MAP2K6: variants seen among roughly 807,000 people sequenced by gnomAD.
The protein encoded by MAP2K6 is dual specificity mitogen-activated protein kinase kinase 6.
MAP2K6 carries 16 observed loss-of-function variants against 53.7 expected under a neutral mutation model. The observed-to-expected ratio is 0.30, with a 90% CI of 0.20 to 0.45. MAP2K6 has a LOEUF of 0.45. MAP2K6 is among the 20% of genes least tolerant of loss of function. The pLI is 1.00. For synonymous variants in MAP2K6, 132 were observed against 143.1 expected, an observed-to-expected ratio of 0.92 and a Z score of 0.55; for missense variants, 204 against 411.9, an observed-to-expected ratio of 0.50 and a Z score of 4.37.
chr17:69,515,391 A>G (rs1910090117), intron 2 of MAP2K6, among the ~76,000 whole-genome samples: 2 of 152,238 alleles, frequency 1.3e-5, no homozygotes, highest in South Asian at 4.2e-4. Context: ...TCCTGACCTC[A>G]GGTGATCCGC....
chr17:69,488,512 A>G (rs1201536273), intron 1 of MAP2K6, among the ~76,000 whole-genome samples: 1 of 152,212 alleles, frequency 6.6e-6, no homozygotes, highest in African/African-American at 2.4e-5. Flanking sequence ...AAAGACATGG[A>G]CTCAACCTAA....
At chr17:69,474,308 T>C (rs1908069610) in intron 1 of MAP2K6, among the ~76,000 whole-genome samples, 2 of 152,240 alleles carry the variant, frequency 1.3e-5, no homozygotes. Flanking sequence ...GAGGATGTCA[T>C]AGGTTGGCTG....
chr17:69,530,229 C>T (rs564276662), intron 10 of MAP2K6, among the ~76,000 whole-genome samples: 19 of 152,186 alleles, frequency 1.2e-4, no homozygotes, highest in Non-Finnish European at 2.6e-4. Flanking sequence ...GTGGGAGGAT[C>T]GCTTGAGCTT....
chr17:69,506,564 A>G (rs1487180526), intron 2 of MAP2K6, among the ~76,000 whole-genome samples: 1 of 152,184 alleles, frequency 6.6e-6, no homozygotes, highest in Non-Finnish European at 1.5e-5. Context: ...GAGACAGGGC[A>G]AGGGCAAAGA....
chr17:69,451,904 G>C (rs7218446), intron 1 of MAP2K6, among the ~76,000 whole-genome samples: 24,865 of 152,102 alleles, frequency 0.16, 2,473 homozygotes, highest in African/African-American at 0.27. Flanking sequence ...ACTCCAGCAT[G>C]CACTGCACAC....
chr17:69,420,513 G>A (rs529549102), intron 1 of MAP2K6, among the ~76,000 whole-genome samples: 55 of 152,216 alleles, frequency 3.6e-4, no homozygotes, highest in African/African-American at 1.3e-3. Flanking sequence ...TAATAAATGC[G>A]CCTATTTATG....
intron 1 of MAP2K6, among the ~76,000 whole-genome samples, chr17:69,449,549 C>CTTTCTTTCTTTCTTTA (rs1907115907): frequency 1.0e-5 from 1 of 96,728 alleles, no homozygotes; most frequent in South Asian, 2.8e-4. Context: ...TTCTTTCTTT[C>CTTTCTTTCTTTCTTTA]TTTCTTTCTT....
At chr17:69,461,494 G>C (rs904054233) in intron 1 of MAP2K6, among the ~76,000 whole-genome samples, 4 of 152,330 alleles carry the variant, frequency 2.6e-5, no homozygotes, top group African/African-American at 7.2e-5. Flanking sequence ...GGGTGGAAGA[G>C]ACAGCTCTGG....
In MAP2K6 at chr17:69,493,164, T is replaced by C. The variant is rs567059227; in HGVS notation, c.17-12616T>C. Among the ~76,000 whole-genome samples, 5 of 152,304 alleles carry C rather than the reference T, an allele frequency of 3.3e-5. No individual in the cohort carries two copies. In the East Asian group the frequency reaches 9.6e-4, roughly 29 times the overall value. On this transcript the variant is annotated intron_variant, in intron 1 of 11. Transcript: ENST00000590474. ...ATTCATTTGGAAACAAGTAGACAGATTAATAGGTGATATTGGAAGAACTAT... is the reference window on the plus strand; with the variant it reads ...ATTCATTTGGAAACAAGTAGACAGACTAATAGGTGATATTGGAAGAACTAT...
chr17:69,433,420 CT>C (rs1239496935), intron 1 of MAP2K6: 1 of 152,188 alleles, frequency 6.6e-6, no homozygotes, highest in African/African-American at 2.4e-5. Flanking sequence ...AAACTAACTG[CT>C]GAGGCTTAAA....
In MAP2K6 at chr17:69,448,849, A is replaced by G. The variant is rs74460860; in HGVS notation, c.16+33849A>G. On this transcript the variant is annotated intron_variant, in intron 1 of 11. Coordinates refer to ENST00000590474, the MANE Select transcript of MAP2K6 (RefSeq NM_002758.4). ...CTCTTTTCTTCTGTCCTTGGGATTC[A>G]TGGCATTTCCACACACTGAAGTTGT... Among the ~76,000 whole-genome samples, 1,144 of 152,140 alleles carry G rather than the reference A, an allele frequency of 7.5e-3. 16 individuals carry two copies. The highest frequency in any genetic ancestry group is 0.026 in the African/African-American group (1,063 of 41,476).
intron 1 of MAP2K6, among the ~76,000 whole-genome samples, chr17:69,416,390 G>A (rs1905902391): frequency 6.6e-6 from 1 of 152,176 alleles, no homozygotes; most frequent in South Asian, 2.1e-4. Flanking sequence ...ATCAGGTGGA[G>A]ATGTTCCTCA....
chr17:69,514,930 G>C (rs1910060960), intron 2 of MAP2K6, among the ~76,000 whole-genome samples: 1 of 152,032 alleles, frequency 6.6e-6, no homozygotes, highest in Non-Finnish European at 1.5e-5. Context: ...CATAATACCT[G>C]AGAGTTAGAA....
chr17:69,486,475 T>TTAGTC (rs1179674286), intron 1 of MAP2K6, among the ~76,000 whole-genome samples: 2 of 152,192 alleles, frequency 1.3e-5, no homozygotes, highest in African/African-American at 2.4e-5. Context: ...TCTTGAGTGT[T>TTAGTC]TAGTCTAGTC....
chr17:69,474,343 G>T (rs186159094), intron 1 of MAP2K6, among the ~76,000 whole-genome samples: 1 of 152,310 alleles, frequency 6.6e-6, no homozygotes, highest in Admixed American at 6.5e-5. Flanking sequence ...CGTGGCTTTT[G>T]TCTTGGTTTA....
intron 10 of MAP2K6, among the ~76,000 whole-genome samples, chr17:69,534,690 C>T (rs1000243238): frequency 1.3e-5 from 2 of 152,140 alleles, no homozygotes; most frequent in Admixed American, 6.5e-5. Context: ...GCAGAGCTCA[C>T]GTCACACATG....
intron 1 of MAP2K6, among the ~76,000 whole-genome samples, chr17:69,462,290 G>A (rs1219279386): frequency 3.9e-5 from 6 of 152,006 alleles, no homozygotes; most frequent in South Asian, 2.1e-4. Context: ...TTGGTGGCAC[G>A]TACATTATTA....
intron 1 of MAP2K6, among the ~76,000 whole-genome samples, chr17:69,459,765 A>T (rs1298578446): frequency 6.6e-6 from 1 of 150,912 alleles, no homozygotes; most frequent in Non-Finnish European, 1.5e-5. Flanking sequence ...CAAGAAATAC[A>T]TAGATTGCAA....
At chr17:69,463,523 C>T (rs1459319546) in intron 1 of MAP2K6, among the ~76,000 whole-genome samples, 1 of 149,778 alleles carries the variant, frequency 6.7e-6, no homozygotes, top group Non-Finnish European at 1.5e-5. Flanking sequence ...TATATATACA[C>T]ACGCAATCTT....
Sources: allele counts gnomAD v4.1 joint callset (sites outside exome capture counted in the v4.1 genomes callset), GRCh38; gene constraint gnomAD v4.1.1; transcripts MANE v1.5; gene names NCBI Gene and HGNC (gene_info 2026-07-23, HGNC 2026-07-21).